ZMIZ1: variants seen among roughly 807,000 people sequenced by gnomAD.
ZMIZ1 encodes zinc finger MIZ domain-containing protein 1.
Under a neutral mutation model 113.9 loss-of-function variants are expected in ZMIZ1, and 17 were observed. That is an observed-to-expected ratio of 0.15 (90% confidence interval 0.10 to 0.22). The LOEUF is 0.22. Among genes scored for constraint, ZMIZ1 ranks in the 10% least tolerant of loss-of-function variants. ZMIZ1 has a pLI of 1.00. For missense variants in ZMIZ1, 1,059 were observed against 1,477.8 expected, an observed-to-expected ratio of 0.72 and a Z score of 4.65; for synonymous variants, 607 against 603.1, an observed-to-expected ratio of 1.01 and a Z score of -0.09.
intron 7 of ZMIZ1, among the ~76,000 whole-genome samples, chr10:79,276,279 T>G (rs1383745551): frequency 3.9e-5 from 6 of 152,202 alleles, no homozygotes; most frequent in Non-Finnish European, 5.9e-5. Flanking sequence ...AGCGTCCTCA[T>G]GTACTTCAGG....
chr10:79,216,312 G>A (rs1848727337), intron 7 of ZMIZ1, 38 bp downstream of exon 7: 5 of 1,539,922 alleles, frequency 3.2e-6, no homozygotes, highest in Admixed American at 1.9e-5. Flanking sequence ...GTCACTGGGA[G>A]GTGGGGAGGG....
intron 18 of ZMIZ1, 82 bp from the exon 19 acceptor site, chr10:79,303,932 AG>A (rs145418638): frequency 0.027 from 42,126 of 1,562,984 alleles, 661 homozygotes; most frequent in Middle Eastern, 0.044. Context: ...CAGCTGCACG[AG>A]GAAGTGGGGA....
intron 4 of ZMIZ1, among the ~76,000 whole-genome samples, chr10:79,174,424 A>T (rs1323492869): frequency 2.0e-5 from 3 of 152,224 alleles, no homozygotes; most frequent in Non-Finnish European, 4.4e-5. Context: ...AGGCCCTGCC[A>T]GTAGATTGCA....
chr10:79,075,001 C>T (rs1446360062), intron 1 of ZMIZ1, among the ~76,000 whole-genome samples: 3 of 152,232 alleles, frequency 2.0e-5, no homozygotes, highest in Non-Finnish European at 2.9e-5. Context: ...TTTCAATGCT[C>T]CCCTAATCCT....
chr10:79,260,143 G>A (rs930088972), intron 7 of ZMIZ1, among the ~76,000 whole-genome samples: 11 of 152,242 alleles, frequency 7.2e-5, no homozygotes, highest in African/African-American at 2.7e-4. Flanking sequence ...TGCATACTCT[G>A]CCAGGCTTTG....
At chr10:79,120,365 G>A (rs974820529) in intron 2 of ZMIZ1, among the ~76,000 whole-genome samples, 2 of 152,286 alleles carry the variant, frequency 1.3e-5, no homozygotes, top group South Asian at 4.1e-4. Flanking sequence ...TGACACACGG[G>A]GCTGCATATC....
chr10:79,190,167 C>T (rs2132608830), intron 4 of ZMIZ1, among the ~76,000 whole-genome samples: 1 of 152,334 alleles, frequency 6.6e-6, no homozygotes, highest in African/African-American at 2.4e-5. Flanking sequence ...TCACACTTGG[C>T]ATGGGCACCC....
rs191819223 is a variant in ZMIZ1, at chr10:79,121,162, C to T, written c.-227+2138C>T. On this transcript the variant is annotated intron_variant, in intron 2 of 24. Transcript: ENST00000334512. ...TCGGATCCACGTCATCAGATGTGAACATTTATGCTCTTTTCTCCCATGATC... is the reference window on the plus strand; with the variant it reads ...TCGGATCCACGTCATCAGATGTGAATATTTATGCTCTTTTCTCCCATGATC... 1.7e-3 allele frequency among the ~76,000 whole-genome samples: 261 copies of T among 152,310 alleles called. 1 individual carries two copies. Among genetic ancestry groups the T allele is most frequent in the African/African-American group, 5.7e-3 (239 of 41,574 alleles).
intron 1 of ZMIZ1, among the ~76,000 whole-genome samples, chr10:79,098,425 G>A (rs1393337235): frequency 2.0e-5 from 3 of 152,296 alleles, no homozygotes; most frequent in South Asian, 2.1e-4. Flanking sequence ...GAAGTGACTC[G>A]ACCGCTCTGT....
At chr10:79,153,656 T>C (rs940087229) in intron 3 of ZMIZ1, among the ~76,000 whole-genome samples, 1 of 152,226 alleles carries the variant, frequency 6.6e-6, no homozygotes, top group Non-Finnish European at 1.5e-5. Flanking sequence ...AACCATGCAC[T>C]TGTCACCCAC....
At chr10:79,235,938 T>A (rs1239439819) in intron 7 of ZMIZ1, among the ~76,000 whole-genome samples, 1 of 152,212 alleles carries the variant, frequency 6.6e-6, no homozygotes, top group African/African-American at 2.4e-5. Flanking sequence ...ACAATTAATA[T>A]GCCATGTGAC....
intron 24 of ZMIZ1, among the ~76,000 whole-genome samples, chr10:79,312,225 C>T (rs915272920): frequency 8.5e-5 from 13 of 152,206 alleles, no homozygotes; most frequent in South Asian, 6.2e-4. Context: ...GGGTTGGGGG[C>T]GGTGCAGGAA....
chr10:79,154,551 G>T (rs560932006), intron 3 of ZMIZ1, among the ~76,000 whole-genome samples: 1 of 152,332 alleles, frequency 6.6e-6, no homozygotes, highest in East Asian at 1.9e-4. Context: ...ACCTGGTCTG[G>T]CCACCCCCAG....
intron 1 of ZMIZ1, among the ~76,000 whole-genome samples, chr10:79,082,794 C>G (rs748072739): frequency 6.6e-6 from 1 of 152,192 alleles, no homozygotes; most frequent in African/African-American, 2.4e-5. Flanking sequence ...GGCCCTGCGT[C>G]ACTTCCAGTT....
At chr10:79,246,514 G>A (rs1034237699) in intron 7 of ZMIZ1, among the ~76,000 whole-genome samples, 2 of 152,184 alleles carry the variant, frequency 1.3e-5, no homozygotes, top group Non-Finnish European at 1.5e-5. Flanking sequence ...CCTCAGTGGG[G>A]CCTGTGGCTG....
intron 7 of ZMIZ1, 83 bp from the exon 8 acceptor site, chr10:79,277,098 A>C: frequency 7.0e-7 from 1 of 1,434,192 alleles, no homozygotes; most frequent in Non-Finnish European, 9.2e-7. Context: ...GATAGCACCC[A>C]GTCTGGGGAG....
At chr10:79,165,986 G>GTA in intron 4 of ZMIZ1, among the ~76,000 whole-genome samples, 1 of 148,052 alleles carries the variant, frequency 6.8e-6, no homozygotes, top group Non-Finnish European at 1.5e-5. Context: ...GTGTGTGTGT[G>GTA]TGTGTGTGTG....
chr10:79,277,383 T>A, intron 8 of ZMIZ1, 58 bp downstream of exon 8: 1 of 1,510,470 alleles, frequency 6.6e-7, no homozygotes. Context: ...TGGTCTCAGA[T>A]CTCCTTGGAC....
At chr10:79,225,859 A>C (rs1164385818) in intron 7 of ZMIZ1, among the ~76,000 whole-genome samples, 1 of 152,160 alleles carries the variant, frequency 6.6e-6, no homozygotes, top group African/African-American at 2.4e-5. Context: ...CAGCCGTCTC[A>C]TCCTCAGTCT....
Sources: gnomAD v4.1 joint callset for allele counts (sites outside exome capture counted in the v4.1 genomes callset) on GRCh38, gnomAD v4.1.1 for gene constraint, MANE v1.5 for transcripts, NCBI Gene and HGNC (gene_info 2026-07-23, HGNC 2026-07-21) for gene names.